Variants in ZNF385B observed in about 807,000 individuals in gnomAD.
ZNF385B encodes zinc finger protein 385B.
Under a neutral mutation model 39.2 loss-of-function variants are expected in ZNF385B, and 23 were observed. The ratio of observed to expected loss-of-function variants is 0.59; its 90% CI spans 0.42 to 0.83. The LOEUF is 0.83. Among genes scored for constraint, ZNF385B ranks in the 40% least tolerant of loss-of-function variants. The probability of loss-of-function intolerance (pLI) is 0.00; values close to 1 mark genes in which losing one functional copy is unlikely to be tolerated. For missense variants in ZNF385B, 552 were observed against 598.9 expected (o/e 0.92, Z 0.82); for synonymous variants, 205 against 222.6 (o/e 0.92, Z 0.70).
intron 3 of ZNF385B, among the ~76,000 whole-genome samples, chr2:179,591,522 T>C (rs13026689): frequency 0.15 from 23,154 of 152,072 alleles, 2,077 homozygotes; most frequent in East Asian, 0.24. Flanking sequence ...AATGTTCATC[T>C]CTAGAAAGCT....
At chr2:179,677,281 A>G (rs1696965985) in intron 3 of ZNF385B, among the ~76,000 whole-genome samples, 1 of 152,088 alleles carries the variant, frequency 6.6e-6, no homozygotes, top group South Asian at 2.1e-4. Flanking sequence ...AAACCATCAC[A>G]CTCCAAGTTT....
chr2:179,735,030 T>C (rs1207995038), intron 3 of ZNF385B, among the ~76,000 whole-genome samples: 4 of 151,664 alleles, frequency 2.6e-5, no homozygotes, highest in African/African-American at 7.3e-5. Context: ...AATTGACAAA[T>C]GGGATCTAAT....
intron 1 of ZNF385B, among the ~76,000 whole-genome samples, chr2:179,854,030 T>C (rs1269715233): frequency 6.6e-6 from 1 of 152,198 alleles, no homozygotes; most frequent in African/African-American, 2.4e-5. Context: ...ATGGCTAATT[T>C]ATTTAAAGAA....
intron 3 of ZNF385B, among the ~76,000 whole-genome samples, chr2:179,687,488 CAGT>C (rs2106336707): frequency 6.6e-6 from 1 of 152,260 alleles, no homozygotes; most frequent in South Asian, 2.1e-4. Context: ...AGCTATAGCT[CAGT>C]AGGACCTACC....
intron 3 of ZNF385B, among the ~76,000 whole-genome samples, chr2:179,661,319 T>C (rs1364955060): frequency 6.6e-6 from 1 of 152,206 alleles, no homozygotes; most frequent in Non-Finnish European, 1.5e-5. Flanking sequence ...TTCAGGCCTC[T>C]TGCATATTCA....
intron 6 of ZNF385B, among the ~76,000 whole-genome samples, chr2:179,456,776 C>A (rs1021357823): frequency 2.6e-5 from 4 of 152,122 alleles, no homozygotes; most frequent in African/African-American, 9.7e-5. Context: ...CACAAATCAA[C>A]CACTCATAGT....
rs769568855 is a variant in ZNF385B at position 179,445,553 on chromosome 2, T to C, written c.1137A>G (p.Lys379=). 7.5e-6 allele frequency: 12 copies of C among 1,610,598 alleles called. No individual in the cohort carries two copies. The African/African-American group carries it at 1.3e-4, about 18-fold the overall frequency. The part of the protein sequence containing the change: ...DVHVNSEIQL[K]QHISSRRHKD... ...TTACTAATTCAGGATACGTTACCTGTTTGAGTTGAATTTCTGAATTAACAT... is the reference window on the plus strand; with the variant it reads ...TTACTAATTCAGGATACGTTACCTGCTTGAGTTGAATTTCTGAATTAACAT... Residue 379 remains lysine, a synonymous_variant, in exon 8 of 10, where the codon AAA becomes AAG. Transcript: ENST00000410066.
chr2:179,627,759 T>C (rs1310635117), intron 3 of ZNF385B, among the ~76,000 whole-genome samples: 1 of 152,118 alleles, frequency 6.6e-6, no homozygotes, highest in Non-Finnish European at 1.5e-5. Flanking sequence ...ATAATATTTG[T>C]ATTTAATATT....
chr2:179,861,463 C>A lies in ZNF385B; in HGVS notation c.-517G>T. On this transcript the variant is annotated 5_prime_UTR_variant, in exon 1 of 10. Coordinates refer to ENST00000410066, the MANE Select transcript of ZNF385B (RefSeq NM_152520.6). ...GGCCCGGCCCGGCCCCGCCGCACGC[C>A]CGCCCCCCTGGCCTGGCCGAGGACC... 6.6e-6 allele frequency: 1 copy of A among 152,098 alleles called. No individual in the cohort carries two copies. Among genetic ancestry groups the A allele is most frequent in the South Asian group, 2.0e-4 (1 of 5,090 alleles). The allele number at this position is 152,098 out of a possible 1,614,324, so 9.4% of individuals were successfully genotyped here. A position where few individuals can be genotyped will look rare whatever the true frequency, so the allele number is the denominator to read the frequency against.
At chr2:179,558,110 G>A (rs189816461) in intron 3 of ZNF385B, among the ~76,000 whole-genome samples, 45 of 152,080 alleles carry the variant, frequency 3.0e-4, no homozygotes, top group African/African-American at 1.1e-3. Flanking sequence ...TATCTGAGAA[G>A]ACACATTTTT....
intron 3 of ZNF385B, among the ~76,000 whole-genome samples, chr2:179,575,326 G>T (rs556121661): frequency 6.6e-6 from 1 of 152,160 alleles, no homozygotes; most frequent in East Asian, 1.9e-4. Context: ...ACAAGATTTC[G>T]TACAAATCTT....
intron 3 of ZNF385B, among the ~76,000 whole-genome samples, chr2:179,562,045 A>T (rs2061368391): frequency 6.6e-6 from 1 of 152,198 alleles, no homozygotes; most frequent in Non-Finnish European, 1.5e-5. Flanking sequence ...AAGGAGAGAG[A>T]GTTCTAACAT....
At chr2:179,594,609 C>T (rs1687842580) in intron 3 of ZNF385B, among the ~76,000 whole-genome samples, 1 of 152,104 alleles carries the variant, frequency 6.6e-6, no homozygotes, top group Non-Finnish European at 1.5e-5. Context: ...CTAAAACTAC[C>T]ATCACTGCTG....
At chr2:179,803,215 T>A (rs1312954606) in intron 1 of ZNF385B, among the ~76,000 whole-genome samples, 1 of 152,176 alleles carries the variant, frequency 6.6e-6, no homozygotes, top group African/African-American at 2.4e-5. Context: ...TATTATATTA[T>A]AAATAGTTCA....
intron 3 of ZNF385B, among the ~76,000 whole-genome samples, chr2:179,672,226 A>G (rs959918979): frequency 3.3e-5 from 5 of 151,918 alleles, no homozygotes; most frequent in African/African-American, 9.7e-5. Flanking sequence ...CTTCTTTCCT[A>G]TTTCTCTCTT....
chr2:179,653,803 A>G (rs1044503234), intron 3 of ZNF385B, among the ~76,000 whole-genome samples: 18 of 152,190 alleles, frequency 1.2e-4, no homozygotes, highest in African/African-American at 4.3e-4. Context: ...TCACTCATTT[A>G]ACAATACCCC....
chr2:179,737,654 G>A (rs906572608), intron 3 of ZNF385B, among the ~76,000 whole-genome samples: 3 of 152,064 alleles, frequency 2.0e-5, no homozygotes, highest in African/African-American at 4.8e-5. Context: ...CAACCCCACA[G>A]CTTTTACTAG....
intron 3 of ZNF385B, among the ~76,000 whole-genome samples, chr2:179,625,756 A>G (rs1479024684): frequency 2.0e-5 from 3 of 152,180 alleles, no homozygotes; most frequent in African/African-American, 7.2e-5. Context: ...TAAATTATGT[A>G]TGTGTATATA....
intron 5 of ZNF385B, among the ~76,000 whole-genome samples, chr2:179,489,295 G>A (rs1044128878): frequency 3.3e-5 from 5 of 152,176 alleles, no homozygotes; most frequent in Admixed American, 2.6e-4. Flanking sequence ...ACAGGGAAAG[G>A]TTGCTACGTT....
Sources: allele counts gnomAD v4.1 joint callset (sites outside exome capture counted in the v4.1 genomes callset), GRCh38; gene constraint gnomAD v4.1.1; transcripts MANE v1.5; gene names NCBI Gene and HGNC (gene_info 2026-07-23, HGNC 2026-07-21).